Variants in CDH13 observed in about 807,000 individuals in gnomAD.
The protein encoded by CDH13 is cadherin 13, also known as cadherin-13.
In CDH13, 24 loss-of-function variants were observed where a neutral mutation model predicts 63.8. That is an observed-to-expected ratio of 0.38 (90% CI 0.27 to 0.53). CDH13 has a LOEUF of 0.53. Among genes scored for constraint, CDH13 ranks in the 20% least tolerant of loss-of-function variants. The probability of loss-of-function intolerance (pLI) is 0.85; values close to 1 mark genes in which losing one functional copy is unlikely to be tolerated. For synonymous variants in CDH13, 503 were observed against 355.3 expected, an observed-to-expected ratio of 1.42 and a Z score of -4.67; for missense variants, 1,049 against 903.1, an observed-to-expected ratio of 1.16 and a Z score of -2.07.
At chr16:82,912,855 A>G (rs1044205750) in intron 2 of CDH13, among the ~76,000 whole-genome samples, 1 of 151,978 alleles carries the variant, frequency 6.6e-6, no homozygotes, top group African/African-American at 2.4e-5. Context: ...AGGCAGGAGA[A>G]TGGCGTGAAC....
intron 4 of CDH13, among the ~76,000 whole-genome samples, chr16:83,178,857 C>A (rs1244278588): frequency 1.3e-5 from 2 of 152,044 alleles, no homozygotes; most frequent in Non-Finnish European, 2.9e-5. Context: ...GGCCTTGAAT[C>A]CTCCCAGTGT....
chr16:83,451,660 G>A (rs934121663), intron 6 of CDH13, among the ~76,000 whole-genome samples: 9 of 152,122 alleles, frequency 5.9e-5, no homozygotes, highest in African/African-American at 2.2e-4. Context: ...TGGGACCACT[G>A]GTATGCACCA....
chr16:82,978,078 C>G (rs1768946349), intron 2 of CDH13, among the ~76,000 whole-genome samples: 1 of 152,154 alleles, frequency 6.6e-6, no homozygotes, highest in Non-Finnish European at 1.5e-5. Flanking sequence ...CTAGAGATCT[C>G]TGGCACTTTG....
chr16:82,825,661 T>C (rs1166216688), intron 1 of CDH13: 4 of 150,996 alleles, frequency 2.6e-5, no homozygotes, highest in Non-Finnish European at 5.9e-5. Flanking sequence ...TTCTCCTGCC[T>C]CAGCCTCCCA....
intron 10 of CDH13, among the ~76,000 whole-genome samples, chr16:83,744,452 A>G (rs1912374770): frequency 6.6e-6 from 1 of 152,244 alleles, no homozygotes; most frequent in East Asian, 1.9e-4. Flanking sequence ...TTCTGTTTTC[A>G]CAAAATAGTG....
intron 1 of CDH13, among the ~76,000 whole-genome samples, chr16:82,751,703 T>TTAA (rs1351552337): frequency 7.1e-6 from 1 of 139,922 alleles, no homozygotes; most frequent in African/African-American, 2.6e-5. Context: ...GGAAAACAGG[T>TTAA]AAAAAAAAAA....
chr16:83,623,615 C>G (rs1022513160), intron 8 of CDH13, among the ~76,000 whole-genome samples: 3 of 152,176 alleles, frequency 2.0e-5, no homozygotes, highest in African/African-American at 7.2e-5. Flanking sequence ...CTAATCGCCC[C>G]TGAATGCACG....
intron 1 of CDH13, chr16:82,639,316 G>A (rs142193701): frequency 5.0e-6 from 7 of 1,401,274 alleles, no homozygotes; most frequent in Admixed American, 2.0e-5. Flanking sequence ...GGTCAGCCCG[G>A]GGTCATTTGT....
intron 4 of CDH13, among the ~76,000 whole-genome samples, chr16:83,216,444 ACAC>A (rs2039532056): frequency 8.0e-5 from 9 of 111,894 alleles, no homozygotes; most frequent in South Asian, 2.7e-4. Context: ...ATATATATAT[ACAC>A]AACCCTAATT....
intron 7 of CDH13, among the ~76,000 whole-genome samples, chr16:83,556,037 C>G (rs934594260): frequency 2.6e-5 from 4 of 152,116 alleles, no homozygotes; most frequent in Non-Finnish European, 5.9e-5. Context: ...GTGACTCAAA[C>G]TATGCACCAG....
intron 9 of CDH13, among the ~76,000 whole-genome samples, chr16:83,672,672 G>A (rs889209929): frequency 2.0e-5 from 3 of 151,954 alleles, no homozygotes; most frequent in East Asian, 3.9e-4. Flanking sequence ...TGATCTGCCC[G>A]CCTTGGCCTC....
At chr16:83,276,384 A>G (rs533475312) in intron 5 of CDH13, among the ~76,000 whole-genome samples, 24 of 152,276 alleles carry the variant, frequency 1.6e-4, no homozygotes, top group African/African-American at 5.3e-4. Flanking sequence ...GGTGTTTCCC[A>G]TATGACTTGC....
intron 1 of CDH13, among the ~76,000 whole-genome samples, chr16:82,668,660 CTG>C (rs1224737479): frequency 1.3e-5 from 2 of 152,122 alleles, no homozygotes; most frequent in Admixed American, 6.5e-5. Context: ...GTCTGGGAGT[CTG>C]TGTTTTGGCA....
At chr16:83,238,824 C>G (rs1302801606) in intron 5 of CDH13, among the ~76,000 whole-genome samples, 2 of 152,152 alleles carry the variant, frequency 1.3e-5, no homozygotes, top group South Asian at 2.1e-4. Context: ...GAAAATATCT[C>G]CAAGTCATGG....
intron 11 of CDH13, among the ~76,000 whole-genome samples, chr16:83,777,796 T>G (rs9931759): frequency 0.068 from 10,354 of 152,248 alleles, 1,243 homozygotes; most frequent in African/African-American, 0.24. Flanking sequence ...GCAAACTTAA[T>G]ATGCGTTTCA....
At chr16:83,276,966 C>G (rs2089009230) in intron 5 of CDH13, among the ~76,000 whole-genome samples, 1 of 152,124 alleles carries the variant, frequency 6.6e-6, no homozygotes, top group African/African-American at 2.4e-5. Context: ...ACCATTAGAT[C>G]TCATGAGACT....
intron 5 of CDH13, among the ~76,000 whole-genome samples, chr16:83,273,239 T>C (rs530931010): frequency 6.6e-6 from 1 of 152,148 alleles, no homozygotes; most frequent in Admixed American, 6.5e-5. Context: ...GTGTATAAAT[T>C]GCATGTCACA....
At chr16:82,866,377 C>CTTCTTTT (rs1219841320) in intron 2 of CDH13, among the ~76,000 whole-genome samples, 5 of 58,322 alleles carry the variant, frequency 8.6e-5, no homozygotes, top group Non-Finnish European at 1.2e-4. Flanking sequence ...TTTTCTTCTT[C>CTTCTTTT]TTTTTTTTTT....
chr16:82,697,072 G>T (rs1335864960), intron 1 of CDH13, among the ~76,000 whole-genome samples: 1 of 152,118 alleles, frequency 6.6e-6, no homozygotes, highest in African/African-American at 2.4e-5. Context: ...TCCCAATTTT[G>T]GATGTCATAT....
Sources: gnomAD v4.1 joint callset for allele counts (sites outside exome capture counted in the v4.1 genomes callset) on GRCh38, gnomAD v4.1.1 for gene constraint, MANE v1.5 for transcripts, NCBI Gene and HGNC (gene_info 2026-07-23, HGNC 2026-07-21) for gene names.